AP3B1: variants seen among roughly 807,000 people sequenced by gnomAD.
AP3B1 encodes the protein adaptor related protein complex 3 subunit beta 1, also known as AP-3 complex subunit beta-1.
Under a neutral mutation model 132.5 loss-of-function variants are expected in AP3B1, and 61 were observed. The observed-to-expected ratio is 0.46, with a 90% CI of 0.37 to 0.57. AP3B1 has a LOEUF of 0.57. Among genes scored for constraint, AP3B1 ranks in the 20% least tolerant of loss-of-function variants. AP3B1 has a pLI of 0.00. For missense variants in AP3B1, 1,120 were observed against 1,289.4 expected, an observed-to-expected ratio of 0.87 and a Z score of 2.01; for synonymous variants, 388 against 438.3, an observed-to-expected ratio of 0.89 and a Z score of 1.43.
intron 17 of AP3B1, among the ~76,000 whole-genome samples, chr5:78,116,438 T>C (rs574967695): frequency 6.6e-6 from 1 of 152,330 alleles, no homozygotes; most frequent in African/African-American, 2.4e-5. Context: ...AGAGGCCCTA[T>C]GTTAAACCAA....
chr5:78,118,231 G>C (rs932351908), intron 17 of AP3B1, among the ~76,000 whole-genome samples: 6 of 152,198 alleles, frequency 3.9e-5, no homozygotes, highest in Non-Finnish European at 8.8e-5. Flanking sequence ...AATAGGAACA[G>C]CTCCGGTCTA....
intron 21 of AP3B1, among the ~76,000 whole-genome samples, 191 bp downstream of exon 21, chr5:78,100,762 T>G (rs1751091263): frequency 6.6e-6 from 1 of 152,230 alleles, no homozygotes; most frequent in African/African-American, 2.4e-5. Flanking sequence ...GTTCATGTGA[T>G]AATGAAGTGA....
intron 6 of AP3B1, among the ~76,000 whole-genome samples, chr5:78,222,913 A>G (rs1475529420): frequency 6.6e-6 from 1 of 152,126 alleles, no homozygotes; most frequent in Non-Finnish European, 1.5e-5. Flanking sequence ...ACAGAGGTAC[A>G]GTGCTAGCAA....
chr5:78,264,993 T>A (rs981346653), intron 2 of AP3B1, among the ~76,000 whole-genome samples: 1 of 152,232 alleles, frequency 6.6e-6, no homozygotes, highest in Admixed American at 6.5e-5. Context: ...CCCATTAAGG[T>A]AATTTATTTC....
chr5:78,150,463 T>C (rs538796179), intron 14 of AP3B1, among the ~76,000 whole-genome samples: 90 of 152,266 alleles, frequency 5.9e-4, no homozygotes, highest in Non-Finnish European at 1.1e-3. Flanking sequence ...AAAATCCAAC[T>C]GTGACGGGGA....
chr5:78,025,372 C>T (rs1747298234), intron 24 of AP3B1, among the ~76,000 whole-genome samples: 1 of 152,114 alleles, frequency 6.6e-6, no homozygotes, highest in Non-Finnish European at 1.5e-5. Context: ...TGTCTAGCTG[C>T]TTGCAGGGGG....
chr5:78,034,503 T>C (rs1747717556), intron 23 of AP3B1, 58 bp from the exon 24 acceptor site: 5 of 1,283,300 alleles, frequency 3.9e-6, no homozygotes, highest in Non-Finnish European at 5.7e-6. Context: ...AGAGGCAAAC[T>C]AAACACTGAA....
intron 1 of AP3B1, among the ~76,000 whole-genome samples, chr5:78,287,464 T>C (rs1749330250): frequency 6.6e-6 from 1 of 152,162 alleles, no homozygotes. Flanking sequence ...CTATTCAATG[T>C]AGTAAAATCT....
At chr5:78,032,653 C>A (rs887185356) in intron 24 of AP3B1, among the ~76,000 whole-genome samples, 1 of 151,724 alleles carries the variant, frequency 6.6e-6, no homozygotes, top group Non-Finnish European at 1.5e-5. Context: ...GGATCAATTA[C>A]ATTTGATGCA....
At chr5:78,121,879 A>T (rs1301145205) in intron 17 of AP3B1, 1 of 152,332 alleles carries the variant, frequency 6.6e-6, no homozygotes, top group Non-Finnish European at 1.5e-5. Context: ...AAAGCCTGGC[A>T]GAGACACAAA....
intron 26 of AP3B1, among the ~76,000 whole-genome samples, chr5:78,011,159 C>T (rs1332863704): frequency 1.3e-5 from 2 of 151,172 alleles, no homozygotes; most frequent in Non-Finnish European, 2.9e-5. Context: ...TCTCCTGTCT[C>T]AGCCTCCCAA....
intron 25 of AP3B1, among the ~76,000 whole-genome samples, chr5:78,019,041 A>T (rs937900073): frequency 6.6e-6 from 1 of 152,154 alleles, no homozygotes; most frequent in Non-Finnish European, 1.5e-5. Context: ...ACTTGCAAGG[A>T]TTTACAAATA....
chr5:78,147,399 GTT>G (rs2112339039), intron 14 of AP3B1, among the ~76,000 whole-genome samples: 1 of 152,150 alleles, frequency 6.6e-6, no homozygotes, highest in East Asian at 1.9e-4. Flanking sequence ...CCTGTAGCTA[GTT>G]TTTGTTTTTA....
In AP3B1 at chr5:78,002,670, G is replaced by C. The variant is rs1009753859; in HGVS notation, c.*232C>G. Reference sequence around the variant, plus strand: ...AAAACGCCACATGGATTCAAGAGTTGAGACAACTGACAGTAAAATATATGC... The same window carrying C: ...AAAACGCCACATGGATTCAAGAGTTCAGACAACTGACAGTAAAATATATGC... On this transcript the variant is annotated 3_prime_UTR_variant, in exon 27 of 27. Coordinates refer to ENST00000255194, the MANE Select transcript of AP3B1 (RefSeq NM_003664.5). The C allele has an allele frequency of 3.3e-6, 2 of 613,128 alleles. No individual in the cohort carries two copies. The highest frequency in any genetic ancestry group is 3.7e-5 in the African/African-American group (2 of 54,158). The allele number at this position is 613,128 out of a possible 1,614,324, so 38.0% of individuals were successfully genotyped here. A position where few individuals can be genotyped will look rare whatever the true frequency, so the allele number is the denominator to read the frequency against.
rs149608278 is a variant in AP3B1 at position 78,246,232 on chromosome 5, G to A, written c.205-5296C>T. On this transcript the variant is annotated intron_variant, in intron 2 of 26. Coordinates refer to ENST00000255194, the MANE Select transcript of AP3B1 (RefSeq NM_003664.5). The stretch of plus-strand genomic sequence containing the variant: ...TATTTTTTTTCATCCTTCAACCTTT[G>A]GTGGCCTCAGCCCCAACATCAATGT... 6.1e-4 allele frequency among the ~76,000 whole-genome samples: 92 copies of A among 151,878 alleles called. 2 individuals are homozygous for A. The East Asian group carries it at 0.017, about 28-fold the overall frequency.
At chr5:78,237,046 C>T (rs1295775830) in intron 3 of AP3B1, among the ~76,000 whole-genome samples, 5 of 152,120 alleles carry the variant, frequency 3.3e-5, no homozygotes, top group African/African-American at 1.2e-4. Flanking sequence ...CATTTAAATC[C>T]AGTACTAATT....
chr5:78,274,023 G>GA (rs1748666483), intron 1 of AP3B1, among the ~76,000 whole-genome samples: 2 of 55,510 alleles, frequency 3.6e-5, no homozygotes, highest in East Asian at 5.3e-4. Context: ...GCCCAAAAAA[G>GA]AAAAAAAGGA....
Position 78,213,033 on chromosome 5 carries a change from G to A in AP3B1, c.786+3022C>T, listed in dbSNP as rs980934151. On this transcript the variant is annotated intron_variant, in intron 7 of 26. Coordinates refer to ENST00000255194, the MANE Select transcript of AP3B1 (RefSeq NM_003664.5). ...GCTGGGACTACAGGTGCCCGCCACC[G>A]TGCCCGGCTAATTTTTTTTGTATTT... Among the ~76,000 whole-genome samples the A allele has an allele frequency of 3.5e-4, 53 of 151,900 alleles. No homozygotes were observed. In the East Asian group the frequency reaches 4.3e-3, roughly 12 times the overall value.
At chr5:78,111,169 C>A (rs1751574810) in intron 19 of AP3B1, among the ~76,000 whole-genome samples, 1 of 152,152 alleles carries the variant, frequency 6.6e-6, no homozygotes, top group African/African-American at 2.4e-5. Flanking sequence ...TGACCTTAAA[C>A]ACATTCTATG....
Sources: gnomAD v4.1 joint callset for allele counts (sites outside exome capture counted in the v4.1 genomes callset) on GRCh38, gnomAD v4.1.1 for gene constraint, MANE v1.5 for transcripts, NCBI Gene and HGNC (gene_info 2026-07-23, HGNC 2026-07-21) for gene names.